ADGRB3: variants seen among roughly 807,000 people sequenced by gnomAD.
The protein encoded by ADGRB3 is brain-specific angiogenesis inhibitor 3.
A neutral mutation model predicts 193.4 loss-of-function variants in ADGRB3; 37 were observed. That is an observed-to-expected ratio of 0.19 (90% confidence interval 0.15 to 0.25). The LOEUF (loss-of-function observed/expected upper bound fraction) is 0.25. Ranked by LOEUF, ADGRB3 falls within the 10% of genes least tolerant of loss-of-function variation. ADGRB3 has a pLI of 1.00. For missense variants in ADGRB3, 1,637 were observed against 1,852.9 expected, an observed-to-expected ratio of 0.88 and a Z score of 2.14; for synonymous variants, 690 against 644.2, an observed-to-expected ratio of 1.07 and a Z score of -1.08.
intron 17 of ADGRB3, among the ~76,000 whole-genome samples, chr6:69,121,323 G>A (rs1773679779): frequency 6.6e-6 from 1 of 152,166 alleles, no homozygotes; most frequent in African/African-American, 2.4e-5. Flanking sequence ...GGGGTTGGGG[G>A]TAAGGTTATA....
At chr6:68,911,595 AGTGC>A (rs1766712605) in intron 3 of ADGRB3, among the ~76,000 whole-genome samples, 1 of 152,130 alleles carries the variant, frequency 6.6e-6, no homozygotes, top group South Asian at 2.1e-4. Context: ...TTAAAAAGAA[AGTGC>A]ACATTTAGAA....
At chr6:68,856,442 G>A (rs193263996) in intron 3 of ADGRB3, among the ~76,000 whole-genome samples, 78 of 152,300 alleles carry the variant, frequency 5.1e-4, no homozygotes, top group African/African-American at 1.8e-3. Flanking sequence ...TAGGGTCCAG[G>A]TTGAGGTGGT....
chr6:68,840,388 T>C (rs1768130515), intron 3 of ADGRB3, among the ~76,000 whole-genome samples: 1 of 53,066 alleles, frequency 1.9e-5, no homozygotes, highest in East Asian at 1.3e-3. Flanking sequence ...TTTTTTTTTT[T>C]TTTTTTTTTT....
chr6:68,924,567 T>C (rs926462102), intron 3 of ADGRB3, among the ~76,000 whole-genome samples: 25 of 152,044 alleles, frequency 1.6e-4, no homozygotes, highest in African/African-American at 6.0e-4. Context: ...TTGAAAACTC[T>C]TGAACATTTT....
At chr6:69,147,083 T>TA (rs971128383) in intron 17 of ADGRB3, among the ~76,000 whole-genome samples, 3 of 152,102 alleles carry the variant, frequency 2.0e-5, no homozygotes, top group East Asian at 1.9e-4. Context: ...TATCTTTTAT[T>TA]AAAAAAACAC....
intron 3 of ADGRB3, among the ~76,000 whole-genome samples, chr6:68,657,509 T>A (rs1030425266): frequency 4.0e-5 from 6 of 151,350 alleles, no homozygotes; most frequent in African/African-American, 9.7e-5. Flanking sequence ...ATACTACAGA[T>A]TGGTGTCTGT....
chr6:68,785,983 T>C (rs550756707), intron 3 of ADGRB3, among the ~76,000 whole-genome samples: 545 of 152,190 alleles, frequency 3.6e-3, no homozygotes, highest in African/African-American at 0.011. Context: ...TCATATCCTT[T>C]GCCCACTTTT....
intron 17 of ADGRB3, among the ~76,000 whole-genome samples, chr6:69,115,102 CCCAAAGGTTTATAA>C (rs1773491921): frequency 6.6e-6 from 1 of 152,080 alleles, no homozygotes; most frequent in African/African-American, 2.4e-5. Context: ...TGGGTATATA[CCCAAAGGTTTATAA>C]GTCATTCTAC....
intron 17 of ADGRB3, among the ~76,000 whole-genome samples, chr6:69,145,400 G>A (rs542851248): frequency 9.2e-5 from 14 of 152,288 alleles, no homozygotes; most frequent in African/African-American, 1.7e-4. Flanking sequence ...GCTTGGAGAC[G>A]CCAGGAACTG....
intron 20 of ADGRB3, among the ~76,000 whole-genome samples, chr6:69,282,769 G>T (rs940380330): frequency 6.6e-6 from 1 of 152,196 alleles, no homozygotes; most frequent in South Asian, 2.1e-4. Context: ...ATCAATACTC[G>T]TAAATCACTA....
intron 17 of ADGRB3, among the ~76,000 whole-genome samples, chr6:69,231,973 T>C (rs1766150395): frequency 6.6e-6 from 1 of 152,206 alleles, no homozygotes; most frequent in South Asian, 2.1e-4. Context: ...ACCTGTCTCA[T>C]TGAAATCTCT....
intron 20 of ADGRB3, among the ~76,000 whole-genome samples, chr6:69,261,815 T>C (rs1766935076): frequency 6.6e-6 from 1 of 152,002 alleles, no homozygotes; most frequent in African/African-American, 2.4e-5. Context: ...GATACCGAAA[T>C]ATGACCAGAA....
chr6:68,946,757 G>A (rs981399518), intron 6 of ADGRB3, among the ~76,000 whole-genome samples: 13 of 152,072 alleles, frequency 8.5e-5, no homozygotes, highest in African/African-American at 2.9e-4. Context: ...TGACATTTTT[G>A]TGTGGGATAA....
At chr6:69,265,986 G>T (rs1015662588) in intron 20 of ADGRB3, among the ~76,000 whole-genome samples, 1 of 151,906 alleles carries the variant, frequency 6.6e-6, no homozygotes, top group South Asian at 2.1e-4. Flanking sequence ...CAAATCACTC[G>T]AATTCTTTCA....
At chr6:69,129,623 T>C (rs1773951107) in intron 17 of ADGRB3, among the ~76,000 whole-genome samples, 1 of 152,152 alleles carries the variant, frequency 6.6e-6, no homozygotes, top group Non-Finnish European at 1.5e-5. Flanking sequence ...TTAAAATCGC[T>C]ACACATATGC....
In ADGRB3 at chr6:69,014,019, T is replaced by C; in HGVS notation, c.1930-19T>C. 1 of 1,478,308 alleles carries C rather than the reference T, an allele frequency of 6.8e-7. No individual in the cohort carries two copies. The highest frequency in any genetic ancestry group is 9.3e-7 in the Non-Finnish European group (1 of 1,077,478). 91.6% of individuals were successfully genotyped at this position (1,478,308 alleles called of 1,614,324 possible). ...TTCTCTCATGTAATATTAAATCTTT[T>C]ATCTAATTTAATTTACAGAACTTCT... On this transcript the variant is annotated intron_variant, in intron 11 of 31. Coordinates refer to ENST00000370598, the MANE Select transcript of ADGRB3 (RefSeq NM_001704.3).
rs1767703550 is a variant in ADGRB3, at chr6:68,943,846, G to C, written c.1047G>C (p.Glu349Asp). 1 of 1,612,928 alleles carries C rather than the reference G, an allele frequency of 6.2e-7. No homozygotes were observed. Among genetic ancestry groups the C allele is most frequent in the Non-Finnish European group, 8.5e-7 (1 of 1,179,288 alleles). The change falls in exon 6 of 32, where the codon GAG (glutamate) becomes GAC (aspartate). Residue 349 changes from glutamate to aspartate, a missense_variant. Physicochemically the swap from Glu to Asp is conservative, Grantham distance 45. This residue lies in a region of ADGRB3 where 4 missense variants were observed against 19.3 expected (regional missense o/e 0.21). Transcript: ENST00000370598. Reference sequence around the variant, plus strand: ...TTATTACAGTACACGGAGTATGGGAGGAATGGTCACCATGGAGTTTATGTT... The same window carrying C: ...TTATTACAGTACACGGAGTATGGGACGAATGGTCACCATGGAGTTTATGTT... Reference protein sequence around the residue: ...TALCPVHGVWEEWSPWSLCSF... With the variant: ...TALCPVHGVWDEWSPWSLCSF...
chr6:69,389,451 C>A lies in ADGRB3; in HGVS notation c.*560C>A, dbSNP rs182318466. ...AAGCTCTGAGAAGCTTTCTCTGCTG[C>A]AGCTGTGTATAAAATATTTAAAATG... On this transcript the variant is annotated 3_prime_UTR_variant, in exon 32 of 32. Coordinates refer to ENST00000370598, the MANE Select transcript of ADGRB3 (RefSeq NM_001704.3). The A allele has an allele frequency of 6.6e-6, 1 of 152,620 alleles. No individual in the cohort carries two copies. The highest frequency in any genetic ancestry group is 2.4e-5 in the African/African-American group (1 of 41,536). 9.5% of individuals were successfully genotyped at this position (152,620 alleles called of 1,614,324 possible).
intron 3 of ADGRB3, among the ~76,000 whole-genome samples, chr6:68,806,212 C>T (rs1767399245): frequency 6.6e-6 from 1 of 152,284 alleles, no homozygotes; most frequent in East Asian, 1.9e-4. Flanking sequence ...ACAATAACCT[C>T]TAATAATTCC....
Sources: allele counts gnomAD v4.1 joint callset (sites outside exome capture counted in the v4.1 genomes callset), GRCh38; gene constraint gnomAD v4.1.1; regional missense constraint gnomAD v4.1.1; transcripts MANE v1.5; gene names NCBI Gene and HGNC (gene_info 2026-07-23, HGNC 2026-07-21).